Variants in NKAIN2 observed in about 807,000 individuals in gnomAD.
The protein encoded by NKAIN2 is sodium/potassium transporting ATPase interacting 2, also known as sodium/potassium-transporting ATPase subunit beta-1-interacting protein 2.
Under a neutral mutation model 32.6 loss-of-function variants are expected in NKAIN2, and 14 were observed. The observed-to-expected ratio is 0.43, with a 90% CI of 0.28 to 0.67. The LOEUF (loss-of-function observed/expected upper bound fraction) is 0.67, where lower values mean the gene tolerates loss of function less well. NKAIN2 is among the 30% of genes least tolerant of loss of function. The pLI is 0.17. For missense variants in NKAIN2, 198 were observed against 258.3 expected, an observed-to-expected ratio of 0.77 and a Z score of 1.60; for synonymous variants, 80 against 87.2, an observed-to-expected ratio of 0.92 and a Z score of 0.46.
intron 3 of NKAIN2, among the ~76,000 whole-genome samples, chr6:124,434,178 G>T (rs1775340444): frequency 6.6e-6 from 1 of 152,136 alleles, no homozygotes; most frequent in South Asian, 2.1e-4. Flanking sequence ...CCTAGCAATT[G>T]CTCTTGCTGA....
chr6:124,280,442 G>T (rs1795238719), intron 1 of NKAIN2, among the ~76,000 whole-genome samples: 1 of 152,072 alleles, frequency 6.6e-6, no homozygotes, highest in South Asian at 2.1e-4. Flanking sequence ...TAGCAAAGGG[G>T]CCATGCACAG....
intron 4 of NKAIN2, among the ~76,000 whole-genome samples, chr6:124,662,982 C>A (rs1490111877): frequency 6.6e-6 from 1 of 152,156 alleles, no homozygotes; most frequent in Non-Finnish European, 1.5e-5. Flanking sequence ...CTGATACTAG[C>A]TACTCAGCAG....
chr6:124,111,424 CT>C (rs1785380635), intron 1 of NKAIN2, among the ~76,000 whole-genome samples: 2 of 152,104 alleles, frequency 1.3e-5, no homozygotes, highest in South Asian at 4.2e-4. Context: ...GCCCTATCTT[CT>C]TGACGCATTG....
intron 1 of NKAIN2, among the ~76,000 whole-genome samples, chr6:123,983,258 A>G (rs1022587065): frequency 1.3e-5 from 2 of 152,218 alleles, no homozygotes; most frequent in African/African-American, 2.4e-5. Context: ...GCTCTCTGAC[A>G]TTACTGCAGC....
intron 3 of NKAIN2, among the ~76,000 whole-genome samples, chr6:124,376,722 T>C (rs1800009650): frequency 6.6e-6 from 1 of 152,150 alleles, no homozygotes; most frequent in African/African-American, 2.4e-5. Flanking sequence ...AATAATGTGA[T>C]GCATTTTAGA....
chr6:123,867,250 A>G (rs1245271448), intron 1 of NKAIN2, among the ~76,000 whole-genome samples: 4 of 152,212 alleles, frequency 2.6e-5, no homozygotes, highest in Non-Finnish European at 5.9e-5. Context: ...AACATATGTA[A>G]TGCCCTGTCT....
chr6:124,654,482 C>T (rs959628870), intron 3 of NKAIN2, among the ~76,000 whole-genome samples: 1 of 151,974 alleles, frequency 6.6e-6, no homozygotes, highest in African/African-American at 2.4e-5. Context: ...AAACTTAGAA[C>T]TGACCCTCTG....
chr6:123,871,051 C>T (rs1772844449), intron 1 of NKAIN2, among the ~76,000 whole-genome samples: 1 of 152,090 alleles, frequency 6.6e-6, no homozygotes, highest in Non-Finnish European at 1.5e-5. Context: ...CAATTTTACA[C>T]ATTACCTATT....
chr6:123,986,646 T>C (rs1010565735), intron 1 of NKAIN2, among the ~76,000 whole-genome samples: 4 of 152,182 alleles, frequency 2.6e-5, no homozygotes, highest in Non-Finnish European at 5.9e-5. Context: ...ATTAGATTAT[T>C]ACCGCTGGCA....
chr6:124,150,299 T>TA (rs913966760), intron 1 of NKAIN2, among the ~76,000 whole-genome samples: 2 of 152,046 alleles, frequency 1.3e-5, no homozygotes, highest in African/African-American at 2.4e-5. Flanking sequence ...AGTTTTTGGT[T>TA]AAAAAAATGC....
chr6:124,254,521 A>C (rs760906503), intron 1 of NKAIN2, among the ~76,000 whole-genome samples: 2 of 152,088 alleles, frequency 1.3e-5, no homozygotes, highest in African/African-American at 2.4e-5. Flanking sequence ...GTTTTGTTTC[A>C]CTATTATATT....
At chr6:123,848,055 C>T (rs1329690891) in intron 1 of NKAIN2, among the ~76,000 whole-genome samples, 1 of 152,128 alleles carries the variant, frequency 6.6e-6, no homozygotes, top group East Asian at 1.9e-4. Context: ...TATCGAAAAG[C>T]CATCATAAAG....
At chr6:124,292,812 T>C (rs967718488) in intron 2 of NKAIN2, among the ~76,000 whole-genome samples, 1 of 152,152 alleles carries the variant, frequency 6.6e-6, no homozygotes, top group Admixed American at 6.6e-5. Context: ...GTTGGCAGTG[T>C]GTTTTAATTT....
intron 3 of NKAIN2, among the ~76,000 whole-genome samples, chr6:124,379,148 AGGGAGG>A (rs1800131066): frequency 2.6e-5 from 1 of 38,376 alleles, no homozygotes; most frequent in African/African-American, 9.7e-5. Context: ...GAGGGGAGGG[AGGGAGG>A]GAGGGGAGGG....
chr6:124,143,118 T>C (rs1300291938), intron 1 of NKAIN2, among the ~76,000 whole-genome samples: 2 of 152,230 alleles, frequency 1.3e-5, no homozygotes, highest in Non-Finnish European at 2.9e-5. Flanking sequence ...AGCACATATT[T>C]AAACACAAAC....
rs188610524 is a variant in NKAIN2, at chr6:124,169,064, A to G, written c.55-113941A>G. Among the ~76,000 whole-genome samples, 36 of 152,262 alleles carry G rather than the reference A, an allele frequency of 2.4e-4. 1 individual carries two copies. The highest frequency in any genetic ancestry group is 3.4e-3 in the Middle Eastern group (1 of 294). ...TCTCATGTTCAATATGTGCTTTAAT[A>G]TTGAATGTTCAGAATTGGATGTGTG... On this transcript the variant is annotated intron_variant, in intron 1 of 6. Coordinates refer to ENST00000368417, the MANE Select transcript of NKAIN2 (RefSeq NM_001040214.3).
At position 124,045,838 on chromosome 6, in the gene NKAIN2, A is replaced by G. The variant is rs138005188; in HGVS notation, c.55-237167A>G. Among the ~76,000 whole-genome samples the G allele has an allele frequency of 2.0e-3, 309 of 152,146 alleles. 2 individuals carry two copies. Among genetic ancestry groups the G allele is most frequent in the African/African-American group, 6.9e-3 (285 of 41,562 alleles). On this transcript the variant is annotated intron_variant, in intron 1 of 6. Transcript: ENST00000368417. The stretch of plus-strand genomic sequence containing the variant: ...CAGTAAATATCCAATGTTTAACTTA[A>G]TAGCTTAATAATCTTTTCATACATT...
At chr6:124,626,875 G>A (rs576825606) in intron 3 of NKAIN2, among the ~76,000 whole-genome samples, 75 of 152,246 alleles carry the variant, frequency 4.9e-4, no homozygotes, top group African/African-American at 1.6e-3. Context: ...TTCCAGAGGA[G>A]AATGAAGCCC....
intron 4 of NKAIN2, among the ~76,000 whole-genome samples, chr6:124,745,630 T>C (rs111381423): frequency 6.4e-4 from 97 of 152,030 alleles, no homozygotes; most frequent in African/African-American, 2.1e-3. Flanking sequence ...GAGATCTCTG[T>C]TTAACCACCA....
Sources: allele counts gnomAD v4.1 joint callset (sites outside exome capture counted in the v4.1 genomes callset), GRCh38; gene constraint gnomAD v4.1.1; transcripts MANE v1.5; gene names NCBI Gene and HGNC (gene_info 2026-07-23, HGNC 2026-07-21).